Variants in ARHGEF9 observed in about 807,000 individuals in gnomAD.
The protein encoded by ARHGEF9 is Cdc42 guanine nucleotide exchange factor 9.
In ARHGEF9, 2 loss-of-function variants were observed where a neutral mutation model predicts 41.3. The ratio of observed to expected loss-of-function variants is 0.05; its 90% CI spans 0.02 to 0.15. The LOEUF (loss-of-function observed/expected upper bound fraction) is 0.15. ARHGEF9 is among the 10% of genes least tolerant of loss of function. The pLI, the probability that ARHGEF9 is intolerant of heterozygous loss-of-function variation, is 1.00. For missense variants in ARHGEF9, 225 were observed against 424.7 expected (o/e 0.53, Z 4.13); for synonymous variants, 160 against 154.4 (o/e 1.04, Z -0.27).
chrX:63,656,999 G>A (rs1437664078), intron 7 of ARHGEF9: 7 of 111,592 alleles, frequency 6.3e-5, no homozygotes, highest in African/African-American at 2.0e-4. Flanking sequence ...TAAATATCTT[G>A]GAGTGGCCTT....
intron 2 of ARHGEF9, among the ~76,000 whole-genome samples, chrX:63,717,962 A>G (rs782194092): frequency 8.9e-6 from 1 of 112,104 alleles, no homozygotes; most frequent in South Asian, 3.7e-4. Context: ...AGAAAGACAG[A>G]TTCTAGTTCA....
intron 1 of ARHGEF9, chrX:63,732,285 C>T (rs1250619844): frequency 1.8e-5 from 2 of 111,751 alleles, no homozygotes; most frequent in Admixed American, 1.9e-4. Context: ...GCCTGCTCCA[C>T]ATTTCACTGG....
rs1219082252 is a variant in ARHGEF9 at position 63,670,667 on chromosome X, T to C, written c.945+3371A>G. On this transcript the variant is annotated intron_variant, in intron 6 of 9. Transcript: ENST00000671741. ...ACCTCAGCATCATGGAAATTAGAAA[T>C]AGAAATTTCCCAGAAACTGCAGTCC... Among the ~76,000 whole-genome samples, 3 of 111,373 alleles carry C rather than the reference T, an allele frequency of 2.7e-5. No individual in the cohort carries two copies. The East Asian group carries it at 8.4e-4, about 31-fold the overall frequency.
In ARHGEF9 at chrX:63,760,354, A is replaced by G. The variant is rs192828402; in HGVS notation, c.30+24762T>C. Among the ~76,000 whole-genome samples the G allele has an allele frequency of 8.5e-3, 949 of 111,145 alleles. 2 individuals are homozygous for G. Among genetic ancestry groups the G allele is most frequent in the South Asian group, 0.029 (76 of 2,632 alleles). On this transcript the variant is annotated intron_variant, in intron 1 of 9. Coordinates refer to ENST00000671741, the MANE Select transcript of ARHGEF9 (RefSeq NM_001353921.2). ...ATGCTCTTGCATGTTCATGGGTATC[A>G]TCTCTATTTAAGACAGGCTGCCCCC...
At chrX:63,685,132 C>T (rs782030966) in intron 4 of ARHGEF9, among the ~76,000 whole-genome samples, 1 of 111,003 alleles carries the variant, frequency 9.0e-6, no homozygotes, top group East Asian at 2.8e-4. Flanking sequence ...ATACTATTAC[C>T]ACAAAAAAGT....
intron 2 of ARHGEF9, among the ~76,000 whole-genome samples, chrX:63,714,640 A>C (rs1556408941): frequency 2.7e-5 from 3 of 112,019 alleles, no homozygotes; most frequent in African/African-American, 9.7e-5. Flanking sequence ...CTGAAATAGA[A>C]ATAATATCTA....
chrX:63,645,223 T>C (rs551655661), intron 8 of ARHGEF9, among the ~76,000 whole-genome samples: 1 of 109,102 alleles, frequency 9.2e-6, no homozygotes, highest in Non-Finnish European at 1.9e-5. Flanking sequence ...CTAAAATGAT[T>C]TTTTTTTCAC....
At chrX:63,677,815 T>G (rs1296721962) in intron 5 of ARHGEF9, among the ~76,000 whole-genome samples, 1 of 112,203 alleles carries the variant, frequency 8.9e-6, no homozygotes, top group Non-Finnish European at 1.9e-5. Context: ...TGAGGTTGTT[T>G]TGGCCTAAGA....
At chrX:63,679,999 A>G (rs1240161592) in intron 4 of ARHGEF9, among the ~76,000 whole-genome samples, 1 of 112,692 alleles carries the variant, frequency 8.9e-6, no homozygotes. Context: ...GTGTCAGGAC[A>G]CAAAGTCAAT....
intron 4 of ARHGEF9, among the ~76,000 whole-genome samples, chrX:63,679,359 C>T (rs1446956060): frequency 9.0e-6 from 1 of 110,977 alleles, no homozygotes; most frequent in Non-Finnish European, 1.9e-5. Context: ...TAAAAAAACT[C>T]TATAATTTTT....
rs1167608417 is a variant in ARHGEF9, at chrX:63,743,558, C to A, written c.31-18847G>T. 2.7e-5 allele frequency: 3 copies of A among 112,463 alleles called. No homozygotes were observed. In the East Asian group the frequency reaches 8.4e-4, roughly 32 times the overall value. The allele number at this position is 112,463 out of a possible 1,213,427, so 9.3% of individuals were successfully genotyped here. On this transcript the variant is annotated intron_variant, in intron 1 of 9. Transcript: ENST00000671741. The stretch of plus-strand genomic sequence containing the variant: ...TGAGATGTTTCCAAACAAAATAATG[C>A]GAGTATAAGTGAAGAGTGTTGATTT...
chrX:63,658,558 T>C (rs1339324389), intron 7 of ARHGEF9, among the ~76,000 whole-genome samples: 4 of 111,471 alleles, frequency 3.6e-5, no homozygotes, highest in Non-Finnish European at 7.5e-5. Flanking sequence ...CTCTGTAAAA[T>C]AGCTATAAAG....
At chrX:63,744,452 G>A (rs1252139343) in intron 1 of ARHGEF9, among the ~76,000 whole-genome samples, 4 of 112,281 alleles carry the variant, frequency 3.6e-5, no homozygotes, top group Non-Finnish European at 7.5e-5. Context: ...TTAGAATCAG[G>A]ACAGCTCCAG....
intron 1 of ARHGEF9, among the ~76,000 whole-genome samples, chrX:63,743,120 T>C (rs1184514809): frequency 1.8e-5 from 2 of 111,455 alleles, no homozygotes; most frequent in Non-Finnish European, 3.8e-5. Flanking sequence ...GGAGAATTGC[T>C]TGAACCTGGG....
intron 5 of ARHGEF9, among the ~76,000 whole-genome samples, chrX:63,676,435 C>A (rs190016247): frequency 8.9e-6 from 1 of 112,100 alleles, no homozygotes; most frequent in East Asian, 2.8e-4. Flanking sequence ...TCAGCCTGTC[C>A]GTGAGCTATT....
At chrX:63,746,359 T>A (rs2055273843) in intron 1 of ARHGEF9, among the ~76,000 whole-genome samples, 1 of 111,912 alleles carries the variant, frequency 8.9e-6, no homozygotes, top group Non-Finnish European at 1.9e-5. Flanking sequence ...ACATTGCCCC[T>A]TTTGCTCCTT....
chrX:63,752,366 A>AAAAAC (rs1218935352), intron 1 of ARHGEF9, among the ~76,000 whole-genome samples: 6 of 111,173 alleles, frequency 5.4e-5, no homozygotes, highest in Non-Finnish European at 7.5e-5. Flanking sequence ...GGAAAAAACA[A>AAAAAC]AAAACAAAAC....
chrX:63,706,939 G>T (rs1447352860), intron 2 of ARHGEF9, among the ~76,000 whole-genome samples: 2 of 112,080 alleles, frequency 1.8e-5, no homozygotes, highest in African/African-American at 6.5e-5. Context: ...ACCTCTTCAA[G>T]ACTGGGATAG....
intron 1 of ARHGEF9, among the ~76,000 whole-genome samples, chrX:63,777,276 T>C (rs1314316495): frequency 3.7e-4 from 41 of 110,867 alleles, no homozygotes; most frequent in African/African-American, 1.3e-3. Flanking sequence ...AATGAAACCA[T>C]CAGATCTTGT....
Sources: gnomAD v4.1 joint callset for allele counts (sites outside exome capture counted in the v4.1 genomes callset) on GRCh38, gnomAD v4.1.1 for gene constraint, MANE v1.5 for transcripts, NCBI Gene and HGNC (gene_info 2026-07-23, HGNC 2026-07-21) for gene names.